The following LRRTM3 variants were observed in gnomAD, a reference collection of about 807,000 sequenced individuals.
LRRTM3 encodes leucine rich repeat transmembrane neuronal 3.
A neutral mutation model predicts 44.7 loss-of-function variants in LRRTM3; 24 were observed. The ratio of observed to expected loss-of-function variants is 0.54; its 90% CI spans 0.39 to 0.76. The LOEUF (loss-of-function observed/expected upper bound fraction) is 0.76. Among genes scored for constraint, LRRTM3 ranks in the 30% least tolerant of loss-of-function variants. LRRTM3 has a pLI of 0.00. For missense variants in LRRTM3, 587 were observed against 702.2 expected (o/e 0.84, Z 1.85); for synonymous variants, 277 against 278.7 (o/e 0.99, Z 0.06).
intron 2 of LRRTM3, among the ~76,000 whole-genome samples, chr10:67,093,500 T>C (rs1345779385): frequency 3.3e-5 from 5 of 151,858 alleles, no homozygotes. Context: ...AGTCACTTGA[T>C]GGTTATGTGA....
Position 67,097,884 on chromosome 10 carries a change from A to T in LRRTM3, c.*88A>T. ...AGATGTGTTCATTGTGGACTCTAAA[A>T]ACAAAACAAAACACAAAATCCCCTG... On this transcript the variant is annotated 3_prime_UTR_variant, in exon 3 of 3. Transcript: ENST00000361320. 9.1e-7 allele frequency: 1 copy of T among 1,099,868 alleles called. No homozygotes were observed. Among genetic ancestry groups the T allele is most frequent in the Non-Finnish European group, 1.3e-6 (1 of 746,640 alleles). The allele number at this position is 1,099,868 out of a possible 1,614,324, so 68.1% of individuals were successfully genotyped here.
intron 2 of LRRTM3, among the ~76,000 whole-genome samples, chr10:67,068,469 A>C (rs1264925060): frequency 6.6e-6 from 1 of 152,220 alleles, no homozygotes; most frequent in African/African-American, 2.4e-5. Flanking sequence ...GAGTTTAGAG[A>C]CACAGATTTG....
At chr10:67,068,167 A>G (rs942232264) in intron 2 of LRRTM3, among the ~76,000 whole-genome samples, 4 of 152,204 alleles carry the variant, frequency 2.6e-5, no homozygotes, top group Non-Finnish European at 4.4e-5. Flanking sequence ...AGTGGAAAAT[A>G]GAAGAGAAGG....
chr10:66,941,611 T>A, intron 2 of LRRTM3, among the ~76,000 whole-genome samples: 1 of 152,134 alleles, frequency 6.6e-6, no homozygotes. Context: ...ATTTGTCAAA[T>A]AAACTGCAGA....
chr10:66,988,746 G>T (rs749041402), intron 2 of LRRTM3, among the ~76,000 whole-genome samples: 1 of 152,068 alleles, frequency 6.6e-6, no homozygotes, highest in African/African-American at 2.4e-5. Flanking sequence ...CCACAGCTAA[G>T]AAGAAAGGAG....
At chr10:67,077,851 C>A (rs943990358) in intron 2 of LRRTM3, among the ~76,000 whole-genome samples, 6 of 151,486 alleles carry the variant, frequency 4.0e-5, no homozygotes, top group Non-Finnish European at 8.8e-5. Flanking sequence ...TAATAAGAGA[C>A]AAAATTAATA....
At chr10:66,978,414 C>A (rs2132863229) in intron 2 of LRRTM3, among the ~76,000 whole-genome samples, 2 of 149,174 alleles carry the variant, frequency 1.3e-5, no homozygotes, top group African/African-American at 4.9e-5. Context: ...GTAATCCCAG[C>A]TATTCAGGAG....
At chr10:67,072,731 C>T (rs1341501981) in intron 2 of LRRTM3, among the ~76,000 whole-genome samples, 1 of 152,130 alleles carries the variant, frequency 6.6e-6, no homozygotes, top group African/African-American at 2.4e-5. Flanking sequence ...CAGAAGTTTT[C>T]AGCTCATTTC....
intron 2 of LRRTM3, among the ~76,000 whole-genome samples, chr10:67,082,027 T>A (rs912027465): frequency 2.6e-5 from 4 of 152,132 alleles, no homozygotes; most frequent in Non-Finnish European, 5.9e-5. Context: ...AAAATAGGAG[T>A]ACCTAGGCTA....
At position 66,927,348 on chromosome 10, in the gene LRRTM3, G is replaced by A. The variant is rs145390422; in HGVS notation, c.432G>A (p.Gln144=). The A allele has an allele frequency of 1.6e-4, 260 of 1,614,124 alleles. No individual in the cohort carries two copies. In the African/African-American group the frequency reaches 2.2e-3, roughly 13 times the overall value. ...GGAACTTGGATCTGTCCTATAATCA[G>A]CTGCATTCTCTGGGATCTGAACAGT... is the stretch of plus-strand genomic sequence containing the variant. ...NLRNLDLSYN[Q]LHSLGSEQFR... is the part of the protein sequence containing the mutation. Residue 144 remains glutamine, a synonymous_variant, in exon 2 of 3, where the codon CAG becomes CAA. Coordinates refer to ENST00000361320, the MANE Select transcript of LRRTM3 (RefSeq NM_178011.5). This position sits in a 1 kb window ranked among gnomAD's most constrained non-coding sequence, Gnocchi z 4.7.
In LRRTM3 at chr10:67,051,440, ATCTTTTT is replaced by A. The variant is rs1264400453; in HGVS notation, c.1537-46124_1537-46118del. 1.1e-3 allele frequency among the ~76,000 whole-genome samples: 164 copies of A among 147,530 alleles called. 1 individual carries two copies. The highest frequency in any genetic ancestry group is 3.9e-3 in the African/African-American group (155 of 40,190). ...GAAATGCTATCTAATTTCCTTACAC[ATCTTTTT>A]TCTTTTTTCTTTTTTCTTTTTTTTT... On this transcript the variant is annotated intron_variant, in intron 2 of 2. Transcript: ENST00000361320.
At chr10:67,020,958 T>C (rs764864558) in intron 2 of LRRTM3, among the ~76,000 whole-genome samples, 2 of 152,196 alleles carry the variant, frequency 1.3e-5, no homozygotes, top group South Asian at 4.1e-4. Context: ...GAGAAAAGGC[T>C]AGAAGGCTAG....
intron 2 of LRRTM3, among the ~76,000 whole-genome samples, chr10:67,095,708 G>A (rs1022585058): frequency 6.6e-6 from 1 of 151,732 alleles, no homozygotes; most frequent in South Asian, 2.1e-4. Context: ...TTTCCATGAC[G>A]AATAAGGACA....
At chr10:66,962,240 T>C (rs1451508460) in intron 2 of LRRTM3, among the ~76,000 whole-genome samples, 1 of 152,080 alleles carries the variant, frequency 6.6e-6, no homozygotes, top group Non-Finnish European at 1.5e-5. Flanking sequence ...TTTCATACAA[T>C]ATACATTTTC....
At chr10:66,954,134 C>G (rs1270020680) in intron 2 of LRRTM3, among the ~76,000 whole-genome samples, 1 of 152,032 alleles carries the variant, frequency 6.6e-6, no homozygotes, top group Non-Finnish European at 1.5e-5. Context: ...CCAGCCTCTT[C>G]TAAACATAAA....
chr10:67,017,725 CTG>C (rs10586644), intron 2 of LRRTM3, among the ~76,000 whole-genome samples: 7,744 of 147,562 alleles, frequency 0.052, 448 homozygotes, highest in East Asian at 0.15. Flanking sequence ...CAAAAATCAT[CTG>C]TGTGTGTGTG....
intron 2 of LRRTM3, among the ~76,000 whole-genome samples, chr10:66,947,583 A>T (rs1239849390): frequency 6.6e-6 from 1 of 152,126 alleles, no homozygotes; most frequent in Non-Finnish European, 1.5e-5. Context: ...AGAGACAAAC[A>T]CTAATAAATT....
chr10:67,076,672 A>G (rs1452128174), intron 2 of LRRTM3, among the ~76,000 whole-genome samples: 1 of 152,358 alleles, frequency 6.6e-6, no homozygotes, highest in African/African-American at 2.4e-5. Context: ...AATATTGGAT[A>G]GAATGAAATT....
intron 2 of LRRTM3, among the ~76,000 whole-genome samples, chr10:66,928,684 T>G (rs1847211692): frequency 6.6e-6 from 1 of 152,200 alleles, no homozygotes; most frequent in Non-Finnish European, 1.5e-5. Flanking sequence ...ATGTGAAGCT[T>G]GAACTCCGGT....
Sources: gnomAD v4.1 joint callset for allele counts (sites outside exome capture counted in the v4.1 genomes callset) on GRCh38, gnomAD v4.1.1 for gene constraint, Gnocchi (gnomAD v3.1) non-coding constraint, MANE v1.5 for transcripts, NCBI Gene and HGNC (gene_info 2026-07-23, HGNC 2026-07-21) for gene names.